MCUB: variants seen among roughly 807,000 people sequenced by gnomAD.
MCUB encodes the protein mitochondrial calcium uniporter dominant negative subunit beta.
A neutral mutation model predicts 41.4 loss-of-function variants in MCUB; 46 were observed. That is an observed-to-expected ratio of 1.11 (90% CI 0.88 to 1.42). The LOEUF (loss-of-function observed/expected upper bound fraction) is 1.42, where lower values mean the gene tolerates loss of function less well. Among genes scored for constraint, MCUB ranks in the 40% most tolerant of loss-of-function variants. The pLI is 0.00. For synonymous variants in MCUB, 148 were observed against 148.2 expected (o/e 1.00, Z 0.01); for missense variants, 403 against 404.9 (o/e 1.00, Z 0.04).
chr4:109,602,305 G>A (rs1727763238), intron 1 of MCUB, among the ~76,000 whole-genome samples: 1 of 152,108 alleles, frequency 6.6e-6, no homozygotes, highest in African/African-American at 2.4e-5. Context: ...TCCAGTGAGA[G>A]TTTCCCCAAT....
chr4:109,631,041 CTTT>C (rs1728464282), intron 1 of MCUB, among the ~76,000 whole-genome samples: 1 of 152,194 alleles, frequency 6.6e-6, no homozygotes, highest in Admixed American at 6.5e-5. Context: ...AGTTTATTCT[CTTT>C]TTCACCTTTT....
intron 6 of MCUB, 22 bp downstream of exon 6, chr4:109,684,668 T>C (rs1729796654): frequency 8.6e-7 from 1 of 1,158,536 alleles, no homozygotes; most frequent in Admixed American, 1.8e-5. Context: ...GTTAGGAAAA[T>C]GGTAAGTTAG....
chr4:109,582,560 CAAAAAAA>C (rs35609064), intron 1 of MCUB, among the ~76,000 whole-genome samples: 1 of 143,264 alleles, frequency 7.0e-6, no homozygotes, highest in Non-Finnish European at 1.5e-5. Flanking sequence ...CACAGTTTAA[CAAAAAAA>C]AAAAAAAAAT....
chr4:109,623,470 C>G (rs545890977), intron 1 of MCUB, among the ~76,000 whole-genome samples: 3 of 152,106 alleles, frequency 2.0e-5, no homozygotes, highest in African/African-American at 7.2e-5. Flanking sequence ...AGTCAGCAAG[C>G]GCTGATATTG....
chr4:109,563,424 T>A (rs941218531), intron 1 of MCUB, among the ~76,000 whole-genome samples: 1 of 152,202 alleles, frequency 6.6e-6, no homozygotes, highest in Non-Finnish European at 1.5e-5. Flanking sequence ...GAACATATCG[T>A]TCTTGTTTGA....
intron 1 of MCUB, among the ~76,000 whole-genome samples, chr4:109,579,619 G>C (rs914807377): frequency 1.3e-5 from 2 of 152,104 alleles, no homozygotes; most frequent in Non-Finnish European, 2.9e-5. Context: ...ATTGTGGATA[G>C]GTAAATTTAT....
intron 1 of MCUB, among the ~76,000 whole-genome samples, chr4:109,643,155 A>G (rs936259637): frequency 4.6e-5 from 7 of 151,918 alleles, no homozygotes; most frequent in African/African-American, 1.7e-4. Context: ...CAAGAGAAAA[A>G]ATATTATTCA....
chr4:109,660,170 T>A, intron 2 of MCUB, 25 bp from the exon 3 acceptor site: 1 of 1,218,468 alleles, frequency 8.2e-7, no homozygotes, highest in Non-Finnish European at 1.1e-6. Context: ...ATTTACTCAT[T>A]TTTTTTTCTT....
rs1729168383 is a variant in MCUB, at chr4:109,659,077, C to T, written c.166C>T (p.Pro56Ser). 9 of 1,490,834 alleles carry T rather than the reference C, an allele frequency of 6.0e-6. No individual in the cohort carries two copies. The highest frequency in any genetic ancestry group is 3.9e-5 in the Admixed American group (2 of 50,898). The allele number at this position is 1,490,834 out of a possible 1,614,324, so 92.4% of individuals were successfully genotyped here. The change falls in exon 2 of 8, where the codon CCA becomes TCA. Residue 56 changes from proline (P) to serine (S), a missense_variant. Coordinates refer to ENST00000394650, the MANE Select transcript of MCUB (RefSeq NM_017918.5). ...YQSHHYSTVV[P>S]PDEITVIYRH... ...GTCACACCATTATAGTACCGTGGTG[C>T]CACCTGATGGTAAGCTTTCTTACCA...
chr4:109,678,969 CATTCGGGGCAGCCAGGCAG>C (rs1729650494), intron 4 of MCUB, among the ~76,000 whole-genome samples: 1 of 149,322 alleles, frequency 6.7e-6, no homozygotes, highest in East Asian at 2.0e-4. Flanking sequence ...CCTCACTTCC[CATTCGGGGCAGCCAGGCAG>C]AGACAGTCCT....
At chr4:109,679,558 G>A (rs1387920370) in intron 4 of MCUB, among the ~76,000 whole-genome samples, 3 of 152,190 alleles carry the variant, frequency 2.0e-5, no homozygotes, top group Non-Finnish European at 4.4e-5. Flanking sequence ...AGGCAGGGAG[G>A]TTGCAGCGAG....
At chr4:109,567,665 C>T (rs113875308) in intron 1 of MCUB, among the ~76,000 whole-genome samples, 12,144 of 148,766 alleles carry the variant, frequency 0.082, 1,428 homozygotes, top group African/African-American at 0.26. Flanking sequence ...GTGTTTGTTT[C>T]CTAGTGGCTG....
At chr4:109,581,349 A>T (rs1370291690) in intron 1 of MCUB, among the ~76,000 whole-genome samples, 1 of 152,216 alleles carries the variant, frequency 6.6e-6, no homozygotes, top group Non-Finnish European at 1.5e-5. Flanking sequence ...CTGAAACTGG[A>T]TCCCTTCCTT....
rs114746130 is a variant in MCUB at position 109,667,213 on chromosome 4, G to A, written c.451+2819G>A. Among the ~76,000 whole-genome samples the A allele has an allele frequency of 3.4e-3, 523 of 152,106 alleles. 2 individuals carry two copies. The highest frequency in any genetic ancestry group is 0.012 in the African/African-American group (491 of 41,528). ...TAGAATTCACCAAGAAAATCCATCT[G>A]GACCTGGTGCTTTCTGTTTTGGAAA... is the stretch of plus-strand genomic sequence containing the variant. On this transcript the variant is annotated intron_variant, in intron 4 of 7. Coordinates refer to ENST00000394650, the MANE Select transcript of MCUB (RefSeq NM_017918.5).
At chr4:109,615,493 T>G (rs1377276163) in intron 1 of MCUB, among the ~76,000 whole-genome samples, 1 of 151,648 alleles carries the variant, frequency 6.6e-6, no homozygotes, top group African/African-American at 2.4e-5. Flanking sequence ...GCAACCTCCG[T>G]CTGCCGGGTT....
Position 109,605,564 on chromosome 4 carries a change from T to A in MCUB, c.99+45128T>A, listed in dbSNP as rs1297579591. 2.6e-5 allele frequency among the ~76,000 whole-genome samples: 4 copies of A among 152,350 alleles called. No individual in the cohort carries two copies. The East Asian group carries it at 7.7e-4, about 29-fold the overall frequency. On this transcript the variant is annotated intron_variant, in intron 1 of 7. Coordinates refer to ENST00000394650, the MANE Select transcript of MCUB (RefSeq NM_017918.5). ...GATCCATTTGGTCCATAGTGCAGAT[T>A]AAATCTAATCTTTCTTGATTGATTT... is the stretch of plus-strand genomic sequence containing the variant.
intron 1 of MCUB, among the ~76,000 whole-genome samples, chr4:109,642,117 CAT>C (rs1006798350): frequency 3.9e-5 from 6 of 152,076 alleles, no homozygotes; most frequent in South Asian, 2.1e-4. Flanking sequence ...GATCCTGAAA[CAT>C]ATGATTTTGA....
chr4:109,566,131 C>T (rs1227493611), intron 1 of MCUB, among the ~76,000 whole-genome samples: 1 of 151,054 alleles, frequency 6.6e-6, no homozygotes, highest in African/African-American at 2.4e-5. Flanking sequence ...GCTGGGATTA[C>T]AGGCGTGAGC....
At chr4:109,580,084 G>A (rs1304851104) in intron 1 of MCUB, among the ~76,000 whole-genome samples, 1 of 151,420 alleles carries the variant, frequency 6.6e-6, no homozygotes, top group Non-Finnish European at 1.5e-5. Context: ...CTGTTTCCAC[G>A]TGTTCTCATT....
Sources: allele counts gnomAD v4.1 joint callset (sites outside exome capture counted in the v4.1 genomes callset), GRCh38; gene constraint gnomAD v4.1.1; transcripts MANE v1.5; gene names NCBI Gene and HGNC (gene_info 2026-07-23, HGNC 2026-07-21).